WAC: variants seen among roughly 807,000 people sequenced by gnomAD.
The protein encoded by WAC is WW domain containing adaptor with coiled-coil.
In WAC, 11 loss-of-function variants were observed where a neutral mutation model predicts 79.6. The ratio of observed to expected loss-of-function variants is 0.14; its 90% CI spans 0.09 to 0.23. WAC has a LOEUF of 0.23. WAC is among the 10% of genes least tolerant of loss of function. WAC has a pLI of 1.00. For missense variants in WAC, 728 were observed against 773.5 expected (o/e 0.94, Z 0.70); for synonymous variants, 304 against 276.9 (o/e 1.10, Z -0.97).
At chr10:28,594,440 T>G (rs1415083921) in intron 6 of WAC, among the ~76,000 whole-genome samples, 1 of 152,256 alleles carries the variant, frequency 6.6e-6, no homozygotes, top group African/African-American at 2.4e-5. Context: ...TACTTATATA[T>G]TACTATCATA....
At chr10:28,578,192 G>T (rs1839346176) in intron 3 of WAC, among the ~76,000 whole-genome samples, 1 of 151,960 alleles carries the variant, frequency 6.6e-6, no homozygotes. Context: ...AAAAATTACT[G>T]TGAATTAGAA....
chr10:28,533,653 G>T (rs1564366688), intron 1 of WAC, 33 bp downstream of exon 1: 1 of 1,567,554 alleles, frequency 6.4e-7, no homozygotes, highest in Non-Finnish European at 8.6e-7. Flanking sequence ...GCCGGGCGGC[G>T]GCGGGGGGCG....
Position 28,595,836 on chromosome 10 carries a change from G to T in WAC, c.714G>T (p.Glu238Asp). The part of the protein sequence containing the change: ...NDRDYRLPRA[E>D]THSSSTPVQH... Reference sequence around the variant, plus strand: ...GAGACTACAGACTGCCAAGAGCAGAGACTCACAGTAGTTCTACGCCAGTAC... The same window carrying T: ...GAGACTACAGACTGCCAAGAGCAGATACTCACAGTAGTTCTACGCCAGTAC... The change falls in exon 7 of 14, where the codon GAG becomes GAT. Residue 238 changes from glutamate to aspartate, a missense_variant. Glu to Asp is a conservative substitution (Grantham distance 45). This residue lies in a region of WAC where 648 missense variants were observed against 661.5 expected (regional missense o/e 0.98). Transcript: ENST00000354911. 1 of 1,614,122 alleles carries T rather than the reference G, an allele frequency of 6.2e-7. No individual in the cohort carries two copies. The highest frequency in any genetic ancestry group is 1.6e-4 in the Middle Eastern group (1 of 6,062).
intron 12 of WAC, 104 bp from the exon 13 acceptor site, chr10:28,617,553 A>T: frequency 9.1e-7 from 1 of 1,097,536 alleles, no homozygotes; most frequent in Non-Finnish European, 1.2e-6. Context: ...AGGGAAAAGG[A>T]TTATTCTCTA....
chr10:28,599,490 T>A (rs1840535788), intron 7 of WAC, among the ~76,000 whole-genome samples: 2 of 152,224 alleles, frequency 1.3e-5, no homozygotes, highest in African/African-American at 4.8e-5. Context: ...TGTATAGGCA[T>A]CCATGTTCTA....
At chr10:28,574,196 T>C (rs1177133455) in intron 3 of WAC, among the ~76,000 whole-genome samples, 1 of 152,144 alleles carries the variant, frequency 6.6e-6, no homozygotes, top group Non-Finnish European at 1.5e-5. Context: ...AGTCTTGCTC[T>C]GTGTACAGTG....
intron 3 of WAC, among the ~76,000 whole-genome samples, chr10:28,583,117 A>G (rs535003052): frequency 6.6e-6 from 1 of 152,234 alleles, no homozygotes; most frequent in Admixed American, 6.5e-5. Context: ...AGTTGCTACA[A>G]ATGATAAAGA....
intron 2 of WAC, 54 bp downstream of exon 2, chr10:28,534,088 G>A: frequency 6.6e-7 from 1 of 1,519,280 alleles, no homozygotes; most frequent in Non-Finnish European, 8.8e-7. Context: ...GGGGAAGGGA[G>A]GGACTGCTAC....
At chr10:28,538,610 C>G (rs1373359470) in intron 3 of WAC, among the ~76,000 whole-genome samples, 1 of 148,916 alleles carries the variant, frequency 6.7e-6, no homozygotes, top group African/African-American at 2.5e-5. Context: ...AAGAATTCAG[C>G]CAGGCACAGC....
At position 28,561,328 on chromosome 10, in the gene WAC, C is replaced by G. The variant is rs138832882; in HGVS notation, c.275-22071C>G. ...CATAAAGGAAGCCCCCATGTACTAC[C>G]TGTTCTCAGTCATTTTATTCTCTAA... On this transcript the variant is annotated intron_variant, in intron 3 of 13. Transcript: ENST00000354911. Among the ~76,000 whole-genome samples, 417 of 152,302 alleles carry G rather than the reference C, an allele frequency of 2.7e-3. 2 individuals are homozygous for G. Among genetic ancestry groups the G allele is most frequent in the African/African-American group, 9.5e-3 (395 of 41,556 alleles).
chr10:28,561,333 C>G (rs1838290363), intron 3 of WAC, among the ~76,000 whole-genome samples: 1 of 152,182 alleles, frequency 6.6e-6, no homozygotes, highest in African/African-American at 2.4e-5. Context: ...ACTACCTGTT[C>G]TCAGTCATTT....
intron 3 of WAC, among the ~76,000 whole-genome samples, chr10:28,566,232 A>G (rs1447976092): frequency 2.0e-5 from 3 of 152,078 alleles, no homozygotes; most frequent in Non-Finnish European, 4.4e-5. Context: ...CAATAAATTA[A>G]ATGTTTGTTA....
At chr10:28,601,270 G>A (rs1840634247) in intron 7 of WAC, among the ~76,000 whole-genome samples, 1 of 152,240 alleles carries the variant, frequency 6.6e-6, no homozygotes, top group African/African-American at 2.4e-5. Context: ...AAACATTTCT[G>A]CAAAGAAGAT....
chr10:28,592,616 G>A (rs1840149456), intron 6 of WAC, among the ~76,000 whole-genome samples: 1 of 151,750 alleles, frequency 6.6e-6, no homozygotes, highest in Non-Finnish European at 1.5e-5. Flanking sequence ...GCAAGACTCT[G>A]TCTCCAAAAA....
chr10:28,538,010 T>G (rs1279159289), intron 3 of WAC, among the ~76,000 whole-genome samples: 1 of 152,154 alleles, frequency 6.6e-6, no homozygotes, highest in African/African-American at 2.4e-5. Flanking sequence ...GTCTCTACCA[T>G]CTCTAACATA....
At chr10:28,588,557 C>G (rs1001747450) in intron 4 of WAC, among the ~76,000 whole-genome samples, 6 of 152,152 alleles carry the variant, frequency 3.9e-5, no homozygotes, top group Non-Finnish European at 8.8e-5. Flanking sequence ...TAAGTTCTCT[C>G]AGCTTGTTTC....
intron 3 of WAC, among the ~76,000 whole-genome samples, chr10:28,545,160 T>C (rs1478765835): frequency 6.6e-6 from 1 of 151,930 alleles, no homozygotes; most frequent in Non-Finnish European, 1.5e-5. Context: ...CCCTCCCCAT[T>C]ACCCAGAATC....
chr10:28,544,709 A>C (rs1837255897), intron 3 of WAC, among the ~76,000 whole-genome samples: 1 of 152,062 alleles, frequency 6.6e-6, no homozygotes, highest in Non-Finnish European at 1.5e-5. Flanking sequence ...CTAACTTGGA[A>C]CTTGCCCATT....
rs550460938 is a variant in WAC, at chr10:28,553,019, T to C, written c.274+17262T>C. Among the ~76,000 whole-genome samples, 8 of 152,290 alleles carry C rather than the reference T, an allele frequency of 5.3e-5. No individual in the cohort carries two copies. In the East Asian group the frequency reaches 9.6e-4, roughly 18 times the overall value. ...TGTTCTGTGTCCTGCCAGCTCATGG[T>C]AACTTTCCCTGCCCGAGGTAGTATT... On this transcript the variant is annotated intron_variant, in intron 3 of 13. Coordinates refer to ENST00000354911, the MANE Select transcript of WAC (RefSeq NM_016628.5).
Sources: gnomAD v4.1 joint callset for allele counts (sites outside exome capture counted in the v4.1 genomes callset) on GRCh38, gnomAD v4.1.1 for gene constraint, gnomAD v4.1.1 regional missense constraint, MANE v1.5 for transcripts, NCBI Gene and HGNC (gene_info 2026-07-23, HGNC 2026-07-21) for gene names.